DGKB: variants seen among roughly 807,000 people sequenced by gnomAD.
DGKB encodes the protein 90 kDa diacylglycerol kinase.
DGKB carries 67 observed loss-of-function variants against 114.3 expected under a neutral mutation model. The ratio of observed to expected loss-of-function variants is 0.59; its 90% CI spans 0.48 to 0.72. The LOEUF (loss-of-function observed/expected upper bound fraction) is 0.72. DGKB is among the 30% of genes least tolerant of loss of function. The pLI is 0.00. For synonymous variants in DGKB, 398 were observed against 323.1 expected, an observed-to-expected ratio of 1.23 and a Z score of -2.49; for missense variants, 907 against 975.2, an observed-to-expected ratio of 0.93 and a Z score of 0.93.
rs9639186 is a variant in DGKB, at chr7:14,265,110, C to G, written c.2122+73405G>C. 3.5e-4 allele frequency among the ~76,000 whole-genome samples: 52 copies of G among 150,046 alleles called. 2 individuals carry two copies. The highest frequency in any genetic ancestry group is 3.4e-3 in the Middle Eastern group (1 of 290). On this transcript the variant is annotated intron_variant, in intron 23 of 25. Transcript: ENST00000402815. ...CCCACCCAAATTTATGCAACAGCAT[C>G]TTAATCTTCCTGTCTCCAATCCGGA...
intron 21 of DGKB, among the ~76,000 whole-genome samples, chr7:14,390,382 T>A (rs1000293539): frequency 1.3e-5 from 2 of 152,152 alleles, no homozygotes; most frequent in African/African-American, 2.4e-5. Context: ...GCAATGCAGT[T>A]TTTGAGGGTT....
intron 23 of DGKB, among the ~76,000 whole-genome samples, chr7:14,220,466 T>G (rs1263293376): frequency 7.3e-5 from 11 of 151,596 alleles, no homozygotes; most frequent in Admixed American, 5.3e-4. Flanking sequence ...CCCAATTCTA[T>G]GCTATATATA....
At chr7:14,272,192 G>A (rs1289924090) in intron 23 of DGKB, among the ~76,000 whole-genome samples, 2 of 152,074 alleles carry the variant, frequency 1.3e-5, no homozygotes, top group Non-Finnish European at 2.9e-5. Flanking sequence ...CAAGATGACA[G>A]TGTATTTATT....
intron 23 of DGKB, among the ~76,000 whole-genome samples, chr7:14,298,059 T>C (rs868017818): frequency 6.6e-6 from 1 of 151,894 alleles, no homozygotes; most frequent in African/African-American, 2.4e-5. Context: ...GAAGAAAGAA[T>C]ACAAACAAAT....
intron 20 of DGKB, among the ~76,000 whole-genome samples, chr7:14,543,376 T>A (rs528147907): frequency 2.6e-5 from 4 of 151,048 alleles, no homozygotes; most frequent in Non-Finnish European, 5.9e-5. Flanking sequence ...CTTAGGGAGG[T>A]TGAGGCTGTG....
intron 23 of DGKB, among the ~76,000 whole-genome samples, chr7:14,319,029 T>C (rs2128527073): frequency 6.6e-6 from 1 of 150,882 alleles, no homozygotes; most frequent in East Asian, 2.0e-4. Context: ...CAGTAAACTG[T>C]CGCAAGAACA....
At chr7:14,353,873 T>A (rs1320305614) in intron 21 of DGKB, among the ~76,000 whole-genome samples, 3 of 152,232 alleles carry the variant, frequency 2.0e-5, no homozygotes, top group African/African-American at 7.2e-5. Context: ...TATGCTTTCC[T>A]CATCTGACTT....
chr7:14,377,712 C>G (rs1818731367), intron 21 of DGKB, among the ~76,000 whole-genome samples: 2 of 152,130 alleles, frequency 1.3e-5, no homozygotes, highest in African/African-American at 4.8e-5. Context: ...CAATGAAATA[C>G]CCTGACTGAT....
intron 25 of DGKB, among the ~76,000 whole-genome samples, chr7:14,160,275 G>A (rs1454634294): frequency 6.6e-6 from 1 of 152,132 alleles, no homozygotes; most frequent in Non-Finnish European, 1.5e-5. Context: ...TTCTAGCCAG[G>A]AGAATCAGGC....
chr7:14,482,506 C>T (rs1783130432), intron 20 of DGKB, among the ~76,000 whole-genome samples: 1 of 151,932 alleles, frequency 6.6e-6, no homozygotes, highest in Admixed American at 6.6e-5. Flanking sequence ...TGAATATTAA[C>T]TCAAGGAAAG....
chr7:14,799,939 CAG>C (rs1461825102), intron 2 of DGKB, among the ~76,000 whole-genome samples: 2 of 150,972 alleles, frequency 1.3e-5, no homozygotes, highest in Non-Finnish European at 3.0e-5. Flanking sequence ...TTTTTTTTGA[CAG>C]AGTCTCACTC....
chr7:14,493,557 G>A (rs1784880327), intron 20 of DGKB, among the ~76,000 whole-genome samples: 1 of 151,984 alleles, frequency 6.6e-6, no homozygotes, highest in Admixed American at 6.6e-5. Context: ...ACAAAGTGAA[G>A]TGAATAGGCA....
chr7:14,970,687 A>G (rs1787413508), intron 1 of DGKB, among the ~76,000 whole-genome samples: 1 of 152,154 alleles, frequency 6.6e-6, no homozygotes, highest in Admixed American at 6.5e-5. Flanking sequence ...CCTAAAGTGA[A>G]TGATTGCCTT....
At chr7:14,790,991 T>C (rs1840590272) in intron 2 of DGKB, among the ~76,000 whole-genome samples, 1 of 152,140 alleles carries the variant, frequency 6.6e-6, no homozygotes, top group South Asian at 2.1e-4. Context: ...CATCAGATTT[T>C]TAAAAATTTT....
intron 23 of DGKB, among the ~76,000 whole-genome samples, chr7:14,250,577 G>T (rs553086154): frequency 6.6e-6 from 1 of 152,094 alleles, no homozygotes; most frequent in South Asian, 2.1e-4. Context: ...ATATATTCTG[G>T]AGAATATTCT....
intron 20 of DGKB, among the ~76,000 whole-genome samples, chr7:14,500,125 A>T (rs1239153228): frequency 6.6e-6 from 1 of 151,890 alleles, no homozygotes; most frequent in Non-Finnish European, 1.5e-5. Context: ...GCTCCATAAC[A>T]TTTTAAAACT....
intron 23 of DGKB, among the ~76,000 whole-genome samples, chr7:14,290,082 G>A (rs188351429): frequency 2.0e-5 from 3 of 152,136 alleles, no homozygotes; most frequent in African/African-American, 7.2e-5. Flanking sequence ...CAGTTTAAAG[G>A]GTTGCAACCA....
rs115391039 is a variant in DGKB at position 14,786,857 on chromosome 7, A to G, written c.71-29126T>C. On this transcript the variant is annotated intron_variant, in intron 2 of 25. Coordinates refer to ENST00000402815, the MANE Select transcript of DGKB (RefSeq NM_001350709.2). The stretch of plus-strand genomic sequence containing the variant: ...GGCCCGCAGGTGCCCCTTTGCATGA[A>G]CAGCTAAAAACCCGAGACTCAGTCA... 4.8e-3 allele frequency among the ~76,000 whole-genome samples: 724 copies of G among 152,118 alleles called. 6 individuals carry two copies. Among genetic ancestry groups the G allele is most frequent in the African/African-American group, 0.017 (689 of 41,360 alleles).
chr7:14,479,328 C>A (rs926820811), intron 20 of DGKB, among the ~76,000 whole-genome samples: 1 of 152,100 alleles, frequency 6.6e-6, no homozygotes, highest in East Asian at 1.9e-4. Flanking sequence ...GCATGAAGCA[C>A]AAAAAGAGAG....
Sources: allele counts gnomAD v4.1 joint callset (sites outside exome capture counted in the v4.1 genomes callset), GRCh38; gene constraint gnomAD v4.1.1; transcripts MANE v1.5; gene names NCBI Gene and HGNC (gene_info 2026-07-23, HGNC 2026-07-21).